Variants in FRMD3 observed in about 807,000 individuals in gnomAD.
FRMD3 encodes FERM domain containing 3, also known as FERM domain-containing protein 3.
FRMD3 carries 33 observed loss-of-function variants against 70.2 expected under a neutral mutation model. The observed-to-expected ratio is 0.47, with a 90% CI of 0.36 to 0.63. FRMD3 has a LOEUF of 0.63. Among genes scored for constraint, FRMD3 ranks in the 20% least tolerant of loss-of-function variants. The pLI is 0.00. For missense variants in FRMD3, 632 were observed against 711.4 expected, an observed-to-expected ratio of 0.89 and a Z score of 1.27; for synonymous variants, 279 against 255.9, an observed-to-expected ratio of 1.09 and a Z score of -0.86.
At position 83,246,899 on chromosome 9, in the gene FRMD3, C is replaced by T; in HGVS notation, c.*1019G>A. On this transcript the variant is annotated 3_prime_UTR_variant, in exon 14 of 14. Coordinates refer to ENST00000304195, the MANE Select transcript of FRMD3 (RefSeq NM_174938.6). ...ATAAAATAGACCATTCGCCTGTCAC[C>T]ATTTGCCTGCCAGCCTCACCAGAAC... is the stretch of plus-strand genomic sequence containing the variant. 3 of 985,428 alleles carry T rather than the reference C, an allele frequency of 3.0e-6. No individual in the cohort carries two copies. The highest frequency in any genetic ancestry group is 3.6e-6 in the Non-Finnish European group (3 of 829,930). The allele number at this position is 985,428 out of a possible 1,614,324, so 61.0% of individuals were successfully genotyped here. A position where few individuals can be genotyped will look rare whatever the true frequency, so the allele number is the denominator to read the frequency against.
At chr9:83,454,008 C>T (rs4612446) in intron 1 of FRMD3, among the ~76,000 whole-genome samples, 4,362 of 152,158 alleles carry the variant, frequency 0.029, 80 homozygotes, top group Non-Finnish European at 0.039. Flanking sequence ...AGCCACCGCG[C>T]CCAGCTCTTT....
At chr9:83,400,041 GAGAAA>G (rs947851915) in intron 1 of FRMD3, among the ~76,000 whole-genome samples, 2 of 151,974 alleles carry the variant, frequency 1.3e-5, no homozygotes, top group African/African-American at 2.4e-5. Flanking sequence ...GAGGAGAAGA[GAGAAA>G]AGAAAAGAAA....
At chr9:83,507,226 G>A (rs1044883266) in intron 1 of FRMD3, among the ~76,000 whole-genome samples, 4 of 151,896 alleles carry the variant, frequency 2.6e-5, no homozygotes, top group Admixed American at 6.6e-5. Flanking sequence ...AATTAGCTGG[G>A]TGTGGTGGCA....
At chr9:83,331,594 G>C (rs1836274180) in intron 6 of FRMD3, among the ~76,000 whole-genome samples, 1 of 152,104 alleles carries the variant, frequency 6.6e-6, no homozygotes, top group Non-Finnish European at 1.5e-5. Flanking sequence ...AACTATGAGT[G>C]ATTATAATGT....
At chr9:83,552,910 T>G in the FRMD3 span, among the ~76,000 whole-genome samples, 1 of 152,106 alleles carries the variant, frequency 6.6e-6, no homozygotes, top group East Asian at 1.9e-4. Context: ...TACCATTGGA[T>G]CTTGCTTTTT....
At position 83,415,027 on chromosome 9, in the gene FRMD3, A is replaced by T. The variant is rs112887226; in HGVS notation, c.148-25319T>A. 4.4e-3 allele frequency among the ~76,000 whole-genome samples: 674 copies of T among 152,352 alleles called. 3 individuals carry two copies. The highest frequency in any genetic ancestry group is 0.015 in the African/African-American group (643 of 41,588). ...GTCAGTCCCCTCAATAGCCAGGTGC[A>T]ATGGGATGGGGGCAGTACTGGAACC... On this transcript the variant is annotated intron_variant, in intron 1 of 13. Coordinates refer to ENST00000304195, the MANE Select transcript of FRMD3 (RefSeq NM_174938.6).
chr9:83,364,119 T>C (rs1824711032), intron 3 of FRMD3, among the ~76,000 whole-genome samples: 1 of 152,252 alleles, frequency 6.6e-6, no homozygotes, highest in African/African-American at 2.4e-5. Context: ...TATTTTTATA[T>C]TGAGCCGTTC....
chr9:83,520,108 G>A (rs1314901470), intron 1 of FRMD3, among the ~76,000 whole-genome samples: 3 of 152,080 alleles, frequency 2.0e-5, no homozygotes, highest in Non-Finnish European at 4.4e-5. Flanking sequence ...AAACCTGCAC[G>A]TTCTGCACAT....
At chr9:83,290,868 G>T in intron 12 of FRMD3, 141 bp from the exon 13 acceptor site, 1 of 860,962 alleles carries the variant, frequency 1.2e-6, no homozygotes, top group Non-Finnish European at 1.8e-6. Flanking sequence ...TAGTAAAGAT[G>T]ACGTAACATT....
rs370993005 is a variant in FRMD3 at position 83,522,566 on chromosome 9, A to ATT, written c.147+15517_147+15518dup. ...CACAAATTTTATATATATATATATA[A>ATT]TTTTTTTTTTTTTTTGAGATGGAGT... On this transcript the variant is annotated intron_variant, in intron 1 of 13. Coordinates refer to ENST00000304195, the MANE Select transcript of FRMD3 (RefSeq NM_174938.6). Among the ~76,000 whole-genome samples the ATT allele has an allele frequency of 4.9e-3, 687 of 138,838 alleles. 6 individuals are homozygous for ATT. Among genetic ancestry groups the ATT allele is most frequent in the Middle Eastern group, 0.011 (3 of 276 alleles). 91.1% of individuals were successfully genotyped at this position (138,838 alleles called of 152,430 possible).
At chr9:83,329,668 C>T (rs1391978126) in intron 6 of FRMD3, among the ~76,000 whole-genome samples, 1 of 152,208 alleles carries the variant, frequency 6.6e-6, no homozygotes, top group Non-Finnish European at 1.5e-5. Flanking sequence ...ATTCTTGCTT[C>T]TAGCACAAAC....
At chr9:83,525,511 T>C (rs1453278963) in intron 1 of FRMD3, among the ~76,000 whole-genome samples, 1 of 152,226 alleles carries the variant, frequency 6.6e-6, no homozygotes, top group Admixed American at 6.5e-5. Flanking sequence ...TATTGCAGCA[T>C]AACTTGCAAA....
chr9:83,545,356 G>GTTTTTTTTT, the FRMD3 span, among the ~76,000 whole-genome samples: 11 of 117,602 alleles, frequency 9.4e-5, no homozygotes, highest in South Asian at 5.8e-4. Flanking sequence ...GTTTTTTTTT[G>GTTTTTTTTT]TTTTTTTTTT....
chr9:83,522,318 G>C (rs1829587622), intron 1 of FRMD3, among the ~76,000 whole-genome samples: 1 of 152,032 alleles, frequency 6.6e-6, no homozygotes, highest in South Asian at 2.1e-4. Flanking sequence ...ACATGGTGTC[G>C]CCTTAAGCTT....
intron 1 of FRMD3, among the ~76,000 whole-genome samples, chr9:83,417,788 T>C (rs1826498818): frequency 6.6e-6 from 1 of 152,118 alleles, no homozygotes; most frequent in African/African-American, 2.4e-5. Context: ...TTAAGGAATG[T>C]TCAGGGGAAG....
At chr9:83,432,447 G>A (rs1403375210) in intron 1 of FRMD3, among the ~76,000 whole-genome samples, 1 of 152,162 alleles carries the variant, frequency 6.6e-6, no homozygotes, top group Non-Finnish European at 1.5e-5. Flanking sequence ...TTTGTGTGGT[G>A]TGGCCCCCTC....
At chr9:83,414,324 A>T (rs1051510830) in intron 1 of FRMD3, among the ~76,000 whole-genome samples, 2 of 152,200 alleles carry the variant, frequency 1.3e-5, no homozygotes, top group African/African-American at 2.4e-5. Context: ...AGCTGTTTTT[A>T]AAAAAATCAA....
At chr9:83,421,007 C>G (rs1447663613) in intron 1 of FRMD3, among the ~76,000 whole-genome samples, 3 of 134,878 alleles carry the variant, frequency 2.2e-5, no homozygotes, top group African/African-American at 8.6e-5. Flanking sequence ...GTGGCGCGAT[C>G]TCGGCTCACT....
chr9:83,295,233 G>A (rs1275862475), intron 12 of FRMD3, among the ~76,000 whole-genome samples: 1 of 152,118 alleles, frequency 6.6e-6, no homozygotes, highest in East Asian at 1.9e-4. Flanking sequence ...TGTAAGATGG[G>A]CAAGAAAAAT....
Sources: gnomAD v4.1 joint callset for allele counts (sites outside exome capture counted in the v4.1 genomes callset) on GRCh38, gnomAD v4.1.1 for gene constraint, MANE v1.5 for transcripts, NCBI Gene and HGNC (gene_info 2026-07-23, HGNC 2026-07-21) for gene names.